ACSM6: variants seen among roughly 807,000 people sequenced by gnomAD.
The protein encoded by ACSM6 is acyl-coenzyme A synthetase ACSM6, mitochondrial.
A neutral mutation model predicts 51.1 loss-of-function variants in ACSM6; 35 were observed. The ratio of observed to expected loss-of-function variants is 0.69; its 90% CI spans 0.52 to 0.91. The LOEUF (loss-of-function observed/expected upper bound fraction) is 0.91, where lower values mean the gene tolerates loss of function less well. Ranked by LOEUF, ACSM6 falls within the 40% of genes least tolerant of loss-of-function variation. The pLI, the probability that ACSM6 is intolerant of heterozygous loss-of-function variation, is 0.00. For synonymous variants in ACSM6, 172 were observed against 207.3 expected (o/e 0.83, Z 1.46); for missense variants, 509 against 584.1 (o/e 0.87, Z 1.32).
At position 95,207,548 on chromosome 10, in the gene ACSM6, T is replaced by C. The variant is rs1182854322; in HGVS notation, c.611+133T>C. The C allele has an allele frequency of 8.7e-6, 8 of 918,830 alleles. No homozygotes were observed. The Admixed American group carries it at 1.3e-4, about 15-fold the overall frequency. The allele number at this position is 918,830 out of a possible 1,614,324, so 56.9% of individuals were successfully genotyped here. ...GCAATTTCTATGCAAGATTAGATGATGTATGAGAAGGTGGTGTGAGTGGTC... is the reference window on the plus strand; with the variant it reads ...GCAATTTCTATGCAAGATTAGATGACGTATGAGAAGGTGGTGTGAGTGGTC... On this transcript the variant is annotated intron_variant, in intron 4 of 10. Transcript: ENST00000341686.
chr10:95,212,049 T>C lies in ACSM6; in HGVS notation c.912+15T>C. 3.1e-6 allele frequency: 5 copies of C among 1,613,764 alleles called. No homozygotes were observed. The highest frequency in any genetic ancestry group is 4.2e-6 in the Non-Finnish European group (5 of 1,179,758). The stretch of plus-strand genomic sequence containing the variant: ...CTGTTCTAAATGTAAGATCAATTCC[T>C]AGTGTGGAATGTGTGGGACAAAGGC... On this transcript the variant is annotated intron_variant, in intron 6 of 10. Transcript: ENST00000341686.
rs935104887 is a variant in ACSM6 at position 95,198,770 on chromosome 10, T to C, written c.193-3215T>C. On this transcript the variant is annotated intron_variant, in intron 2 of 10. Transcript: ENST00000341686. ...AAAAATTAATGGCAGGGGAGAGATA[T>C]AGTTGTGTTTGTTGTTATTGGTCAT... Among the ~76,000 whole-genome samples, 15 of 152,058 alleles carry C rather than the reference T, an allele frequency of 9.9e-5. No homozygotes were observed. The East Asian group carries it at 1.5e-3, about 16-fold the overall frequency.
intron 3 of ACSM6, among the ~76,000 whole-genome samples, chr10:95,206,428 C>T (rs1321758272): frequency 6.6e-6 from 1 of 151,974 alleles, no homozygotes; most frequent in East Asian, 1.9e-4. Context: ...AGGTTGTTTC[C>T]ACATTTGGGC....
At chr10:95,216,906 T>A (rs574164500) in intron 8 of ACSM6, among the ~76,000 whole-genome samples, 1 of 152,330 alleles carries the variant, frequency 6.6e-6, no homozygotes, top group African/African-American at 2.4e-5. Context: ...CAAACAGTCC[T>A]GTTCCTGCAA....
chr10:95,199,583 A>C (rs12770470), intron 2 of ACSM6, among the ~76,000 whole-genome samples: 11,689 of 152,052 alleles, frequency 0.077, 529 homozygotes, highest in Middle Eastern at 0.15. Context: ...AATGGGAGAA[A>C]ATTTTTGCAA....
intron 2 of ACSM6, among the ~76,000 whole-genome samples, chr10:95,197,630 C>A (rs929617019): frequency 2.0e-5 from 3 of 152,146 alleles, no homozygotes; most frequent in African/African-American, 7.2e-5. Flanking sequence ...GTTTTTCTCT[C>A]ATCTCAGAAT....
At chr10:95,220,018 C>G (rs11188229) in intron 9 of ACSM6, 47 bp downstream of exon 9, 514,782 of 1,442,594 alleles carry the variant, frequency 0.36, 99,066 homozygotes, top group Non-Finnish European at 0.39. Flanking sequence ...TAAGTGAGCT[C>G]TTACAGTTGT....
chr10:95,204,462 G>GAGAATC (rs1435550910), intron 3 of ACSM6, among the ~76,000 whole-genome samples: 2 of 152,086 alleles, frequency 1.3e-5, no homozygotes, highest in African/African-American at 4.8e-5. Flanking sequence ...GCTGAGGCAG[G>GAGAATC]AGAATCGCTT....
chr10:95,208,933 TAAAAAAAA>T (rs34370150), intron 4 of ACSM6, among the ~76,000 whole-genome samples: 30 of 33,926 alleles, frequency 8.8e-4, no homozygotes, highest in Admixed American at 1.6e-3. Context: ...CAGGGATGTT[TAAAAAAAA>T]AAAAAAAAAA....
At chr10:95,199,456 C>T (rs1474037373) in intron 2 of ACSM6, among the ~76,000 whole-genome samples, 1 of 152,100 alleles carries the variant, frequency 6.6e-6, no homozygotes, top group Non-Finnish European at 1.5e-5. Context: ...GACTTCATGT[C>T]TAAAACACCA....
intron 9 of ACSM6, among the ~76,000 whole-genome samples, chr10:95,220,884 C>T (rs1006205436): frequency 1.5e-5 from 2 of 136,188 alleles, no homozygotes; most frequent in Non-Finnish European, 3.5e-5. Context: ...AATAGTTTTT[C>T]TCTATTAATA....
chr10:95,218,450 T>TA (rs1410787251), intron 8 of ACSM6, among the ~76,000 whole-genome samples: 9 of 152,182 alleles, frequency 5.9e-5, no homozygotes, highest in Non-Finnish European at 8.8e-5. Flanking sequence ...ACACCAGGAC[T>TA]AAAAAAACTC....
intron 1 of ACSM6, 21 bp from the exon 2 acceptor site, chr10:95,194,444 T>G (rs1589487720): frequency 6.6e-7 from 1 of 1,525,808 alleles, no homozygotes; most frequent in Admixed American, 2.0e-5. Context: ...TTACTCCCTG[T>G]CTTTTCCTCA....
exon 11 of ACSM6, chr10:95,228,825 T>C: frequency 6.5e-7 from 1 of 1,537,296 alleles, no homozygotes; most frequent in Non-Finnish European, 8.8e-7. Context: ...CTGTGGGAGT[T>C]TGAAGAAGAC....
chr10:95,206,008 A>T (rs2034835946), intron 3 of ACSM6, among the ~76,000 whole-genome samples: 1 of 152,192 alleles, frequency 6.6e-6, no homozygotes, highest in South Asian at 2.1e-4. Flanking sequence ...TTTGTTTTGG[A>T]GATATAATTT....
chr10:95,212,969 C>T lies in ACSM6; in HGVS notation c.995+29C>T, dbSNP rs886898599. 10 of 1,530,538 alleles carry T rather than the reference C, an allele frequency of 6.5e-6. No homozygotes were observed. The African/African-American group carries it at 1.2e-4, about 19-fold the overall frequency. 94.8% of individuals were successfully genotyped at this position (1,530,538 alleles called of 1,614,324 possible). ...AGAGAGGATCCCTCAGGAGAGAGTCCATTTCCACTCATGGTACCATAAATA... is the reference window on the plus strand; with the variant it reads ...AGAGAGGATCCCTCAGGAGAGAGTCTATTTCCACTCATGGTACCATAAATA... On this transcript the variant is annotated intron_variant, in intron 7 of 10. Coordinates refer to ENST00000341686, the Ensembl canonical transcript of ACSM6.
chr10:95,202,003 T>C, exon 3 of ACSM6: 1 of 1,551,666 alleles, frequency 6.4e-7, no homozygotes, highest in Non-Finnish European at 8.7e-7. Flanking sequence ...CAGAGGGCCT[T>C]ACCCCGCCCT....
chr10:95,194,867 C>T (rs1246830842), intron 2 of ACSM6, among the ~76,000 whole-genome samples, 190 bp downstream of exon 2: 3 of 152,234 alleles, frequency 2.0e-5, no homozygotes. Flanking sequence ...AATCCTGGCT[C>T]TGCTGCTAAA....
intron 8 of ACSM6, among the ~76,000 whole-genome samples, chr10:95,216,906 T>C (rs574164500): frequency 6.6e-6 from 1 of 152,212 alleles, no homozygotes; most frequent in Admixed American, 6.5e-5. Flanking sequence ...CAAACAGTCC[T>C]GTTCCTGCAA....
Sources: allele counts gnomAD v4.1 joint callset (sites outside exome capture counted in the v4.1 genomes callset), GRCh38; gene constraint gnomAD v4.1.1; transcripts MANE v1.5; gene names NCBI Gene and HGNC (gene_info 2026-07-23, HGNC 2026-07-21).